WDFY3: variants seen among roughly 807,000 people sequenced by gnomAD.
The protein encoded by WDFY3 is WD repeat and FYVE domain containing 3, also known as WD repeat and FYVE domain-containing protein 3.
In WDFY3, 66 loss-of-function variants were observed where a neutral mutation model predicts 409.6. The observed-to-expected ratio is 0.16, with a 90% CI of 0.13 to 0.20. WDFY3 has a LOEUF of 0.20. WDFY3 is among the 10% of genes least tolerant of loss of function. The pLI is 1.00. For synonymous variants in WDFY3, 1,521 were observed against 1,537.1 expected (o/e 0.99, Z 0.25); for missense variants, 3,031 against 4,298.1 (o/e 0.71, Z 8.24).
intron 4 of WDFY3, among the ~76,000 whole-genome samples, chr4:84,857,341 G>C (rs2150171424): frequency 6.6e-6 from 1 of 152,250 alleles, no homozygotes; most frequent in African/African-American, 2.4e-5. Context: ...TTCTAGTCTA[G>C]TAGACTGTGG....
chr4:84,743,884 A>T (rs923154521), intron 36 of WDFY3, 85 bp from the exon 37 acceptor site: 3 of 793,740 alleles, frequency 3.8e-6, no homozygotes, highest in Non-Finnish European at 5.3e-6. Context: ...CTAATATATT[A>T]AAAAGATTAA....
rs1731462638 is a variant in WDFY3 at position 84,703,730 on chromosome 4, A to G, written c.8442+608T>C. Among the ~76,000 whole-genome samples the G allele has an allele frequency of 2.0e-5, 3 of 151,790 alleles. No individual in the cohort carries two copies. In the South Asian group the frequency reaches 6.3e-4, roughly 32 times the overall value. The stretch of plus-strand genomic sequence containing the variant: ...GACCTACTCTGACCACTCTACTTAA[A>G]ACTGCATCCCACCTTGCCCAACCTC... On this transcript the variant is annotated intron_variant, in intron 55 of 67. Coordinates refer to ENST00000295888, the MANE Select transcript of WDFY3 (RefSeq NM_014991.6).
At chr4:84,690,866 C>T (rs1168460647) in intron 60 of WDFY3, among the ~76,000 whole-genome samples, 2 of 152,136 alleles carry the variant, frequency 1.3e-5, no homozygotes, top group African/African-American at 4.8e-5. Flanking sequence ...ATTGTTGCTG[C>T]TGAAAGCCAT....
chr4:84,880,670 CAT>C (rs1412358154), intron 3 of WDFY3, among the ~76,000 whole-genome samples: 6 of 55,216 alleles, frequency 1.1e-4, no homozygotes, highest in Admixed American at 2.4e-4. Flanking sequence ...ATAAGGGAAC[CAT>C]ACATATATAT....
At chr4:84,782,688 T>C (rs2149492044) in intron 25 of WDFY3, among the ~76,000 whole-genome samples, 1 of 152,364 alleles carries the variant, frequency 6.6e-6, no homozygotes, top group African/African-American at 2.4e-5. Context: ...TCTAGCTTCA[T>C]CTATGTCCCT....
chr4:84,872,262 T>C (rs1454145801), intron 3 of WDFY3, among the ~76,000 whole-genome samples: 1 of 151,714 alleles, frequency 6.6e-6, no homozygotes, highest in Non-Finnish European at 1.5e-5. Context: ...GTCAGGAGAT[T>C]GAGACCATCC....
intron 2 of WDFY3, among the ~76,000 whole-genome samples, chr4:84,928,085 T>C (rs1442033939): frequency 1.3e-5 from 2 of 152,160 alleles, no homozygotes; most frequent in South Asian, 2.1e-4. Flanking sequence ...TCAATATGAG[T>C]GGGCACTGTC....
At chr4:84,824,383 G>A (rs1754544279) in intron 10 of WDFY3, among the ~76,000 whole-genome samples, 3 of 152,084 alleles carry the variant, frequency 2.0e-5, no homozygotes, top group Admixed American at 2.0e-4. Flanking sequence ...GTATGATGTG[G>A]AAGAAAAACA....
At chr4:84,755,436 C>G in intron 33 of WDFY3, 36 bp from the exon 34 acceptor site, 8 of 1,574,656 alleles carry the variant, frequency 5.1e-6, no homozygotes, top group Non-Finnish European at 6.0e-6. Context: ...TTAGCCACCA[C>G]TAATTTTTCA....
chr4:84,735,257 T>A, intron 42 of WDFY3, 137 bp from the exon 43 acceptor site: 1 of 745,760 alleles, frequency 1.3e-6, no homozygotes, highest in Non-Finnish European at 2.1e-6. Context: ...AAACAAAAAA[T>A]TCAGAATGAA....
chr4:84,782,954 T>C lies in WDFY3; in HGVS notation c.4174+9A>G. ...AGAAGTTTGAAACAACAAAGATAAG[T>C]CCACTCACCCAAGTATCCAATCAGA... On this transcript the variant is annotated intron_variant, in intron 25 of 67. Transcript: ENST00000295888. 9 of 1,609,044 alleles carry C rather than the reference T, an allele frequency of 5.6e-6. No individual in the cohort carries two copies. The highest frequency in any genetic ancestry group is 7.6e-6 in the Non-Finnish European group (9 of 1,178,552).
In WDFY3 at chr4:84,733,391, T is replaced by C. The variant is rs1182804988; in HGVS notation, c.7212A>G (p.Thr2404=). ...YPYVPETEQE[T]NVASEIPSKQ... ...AATTCTGCATACTCACCGCCACATT[T>C]GTCTCTTGCTCAGTTTCTGGCACGT... Residue 2404 remains threonine (T), a synonymous_variant, in exon 44 of 68, where the codon ACA becomes ACG. Transcript: ENST00000295888. The C allele has an allele frequency of 1.2e-6, 2 of 1,613,948 alleles. No homozygotes were observed. Among genetic ancestry groups the C allele is most frequent in the African/African-American group, 1.3e-5 (1 of 74,936 alleles).
intron 56 of WDFY3, among the ~76,000 whole-genome samples, chr4:84,700,929 G>C (rs530182811): frequency 6.6e-6 from 1 of 152,236 alleles, no homozygotes; most frequent in Non-Finnish European, 1.5e-5. Context: ...AGGCAACATG[G>C]GGAAACCCCG....
chr4:84,796,320 T>C (rs1375934000), intron 19 of WDFY3, among the ~76,000 whole-genome samples: 1 of 151,952 alleles, frequency 6.6e-6, no homozygotes, highest in Non-Finnish European at 1.5e-5. Flanking sequence ...TCCTATGTCA[T>C]ATCAATTTAT....
Position 84,672,775 on chromosome 4 carries a change from T to C in WDFY3, c.*93A>G. The stretch of plus-strand genomic sequence containing the variant: ...CAAACACGTGGTATGAAGAGATGTG[T>C]AAACGGAGACTGTTTTCAATGCCTT... On this transcript the variant is annotated 3_prime_UTR_variant, in exon 68 of 68. Coordinates refer to ENST00000295888, the MANE Select transcript of WDFY3 (RefSeq NM_014991.6). The C allele has an allele frequency of 3.3e-6, 5 of 1,534,092 alleles. No individual in the cohort carries two copies. The South Asian group carries it at 6.2e-5, about 19-fold the overall frequency.
chr4:84,922,845 A>G (rs1033047890), intron 2 of WDFY3, among the ~76,000 whole-genome samples: 3 of 152,128 alleles, frequency 2.0e-5, no homozygotes, highest in Admixed American at 2.0e-4. Flanking sequence ...TCAGTCTCCT[A>G]AAGTGCTGGG....
chr4:84,810,779 G>A (rs1246320519), intron 13 of WDFY3, among the ~76,000 whole-genome samples: 4 of 152,154 alleles, frequency 2.6e-5, no homozygotes, highest in Admixed American at 2.6e-4. Flanking sequence ...AAGATCTGAG[G>A]TCTTTTGTCT....
intron 3 of WDFY3, among the ~76,000 whole-genome samples, chr4:84,876,213 C>T (rs1427869988): frequency 6.6e-6 from 1 of 152,188 alleles, no homozygotes; most frequent in Non-Finnish European, 1.5e-5. Context: ...TTCCCAGCCT[C>T]ATTATAGTCT....
intron 2 of WDFY3, among the ~76,000 whole-genome samples, chr4:84,916,090 A>G (rs1768445206): frequency 6.6e-6 from 1 of 152,222 alleles, no homozygotes; most frequent in African/African-American, 2.4e-5. Context: ...GATAGGTACA[A>G]GACAACTATC....
Sources: allele counts gnomAD v4.1 joint callset (sites outside exome capture counted in the v4.1 genomes callset), GRCh38; gene constraint gnomAD v4.1.1; transcripts MANE v1.5; gene names NCBI Gene and HGNC (gene_info 2026-07-23, HGNC 2026-07-21).